The following GPC6 variants were observed in gnomAD, a reference collection of about 807,000 sequenced individuals.
GPC6 encodes glypican 6, also known as glypican-6.
Under a neutral mutation model 55.2 loss-of-function variants are expected in GPC6, and 14 were observed. The observed-to-expected ratio is 0.25, with a 90% CI of 0.17 to 0.40. GPC6 has a LOEUF of 0.40. GPC6 is among the 10% of genes least tolerant of loss of function. The probability of loss-of-function intolerance (pLI) is 1.00; values close to 1 mark genes in which losing one functional copy is unlikely to be tolerated. For synonymous variants in GPC6, 278 were observed against 259.6 expected (o/e 1.07, Z -0.68); for missense variants, 641 against 708.5 (o/e 0.90, Z 1.08).
At chr13:93,694,132 C>G (rs1351742012) in intron 2 of GPC6, among the ~76,000 whole-genome samples, 1 of 152,142 alleles carries the variant, frequency 6.6e-6, no homozygotes, top group Non-Finnish European at 1.5e-5. Flanking sequence ...CTCTCTTGCT[C>G]TTTTATTAAT....
intron 6 of GPC6, among the ~76,000 whole-genome samples, chr13:94,368,451 C>T (rs955340785): frequency 2.6e-5 from 4 of 152,120 alleles, no homozygotes; most frequent in South Asian, 2.1e-4. Context: ...CCAAGCATTA[C>T]AAAACCTACC....
At chr13:93,746,877 T>C (rs2138856777) in intron 2 of GPC6, among the ~76,000 whole-genome samples, 1 of 152,330 alleles carries the variant, frequency 6.6e-6, no homozygotes, top group African/African-American at 2.4e-5. Flanking sequence ...TTTAACATTC[T>C]AAATCCTGTC....
intron 1 of GPC6, among the ~76,000 whole-genome samples, chr13:93,458,967 A>C (rs1878575750): frequency 6.6e-6 from 1 of 152,192 alleles, no homozygotes; most frequent in South Asian, 2.1e-4. Flanking sequence ...AAATTACCTT[A>C]AGTGGTTAAT....
At chr13:93,945,763 C>G (rs1878979428) in intron 3 of GPC6, among the ~76,000 whole-genome samples, 1 of 152,202 alleles carries the variant, frequency 6.6e-6, no homozygotes, top group Non-Finnish European at 1.5e-5. Flanking sequence ...CACACTTTCA[C>G]TGATTGTTGC....
chr13:94,288,815 A>T (rs1451574811), intron 5 of GPC6, among the ~76,000 whole-genome samples: 1 of 42,120 alleles, frequency 2.4e-5, no homozygotes, highest in African/African-American at 1.6e-4. Context: ...GTTATATATA[A>T]TAAATATATA....
intron 4 of GPC6, among the ~76,000 whole-genome samples, chr13:94,273,775 G>A (rs984896310): frequency 3.9e-5 from 6 of 152,146 alleles, no homozygotes; most frequent in African/African-American, 1.4e-4. Flanking sequence ...GGAGGCACTA[G>A]AAACATACAC....
At chr13:93,585,660 T>C (rs886230654) in intron 2 of GPC6, among the ~76,000 whole-genome samples, 1 of 152,226 alleles carries the variant, frequency 6.6e-6, no homozygotes, top group Non-Finnish European at 1.5e-5. Flanking sequence ...GAAACATATG[T>C]GCATCCATTA....
At chr13:94,123,919 T>C (rs1030827359) in intron 4 of GPC6, among the ~76,000 whole-genome samples, 1 of 152,106 alleles carries the variant, frequency 6.6e-6, no homozygotes, top group Non-Finnish European at 1.5e-5. Context: ...GTTCTTATTA[T>C]AGATAGAAGC....
At position 93,859,435 on chromosome 13, in the gene GPC6, T is replaced by C. The variant is rs576744957; in HGVS notation, c.711+28890T>C. 2.0e-5 allele frequency among the ~76,000 whole-genome samples: 3 copies of C among 151,778 alleles called. No homozygotes were observed. In the East Asian group the frequency reaches 5.9e-4, roughly 30 times the overall value. ...AAATGATTTTATAATCTGTAAATAT[T>C]CATTTGACAGGTTTTTACCTTCAAT... On this transcript the variant is annotated intron_variant, in intron 3 of 8. Transcript: ENST00000377047.
At chr13:93,846,581 G>A (rs1888188727) in intron 3 of GPC6, among the ~76,000 whole-genome samples, 1 of 152,164 alleles carries the variant, frequency 6.6e-6, no homozygotes, top group Admixed American at 6.5e-5. Context: ...GGGAGGCCGA[G>A]GCAGGTGGAT....
Position 93,631,738 on chromosome 13 carries a change from G to A in GPC6, c.319+86317G>A, listed in dbSNP as rs3848065. On this transcript the variant is annotated intron_variant, in intron 2 of 8. Transcript: ENST00000377047. ...CCTGTATCTGTAGTTATATACCACT[G>A]TATGTGTTCCCCATGGCATCTAGCA... Among the ~76,000 whole-genome samples, 68,801 of 152,004 alleles carry A rather than the reference G, an allele frequency of 0.45. 17,672 individuals carry two copies. The highest frequency in any genetic ancestry group is 0.61 in the Middle Eastern group (176 of 290).
At chr13:93,423,236 G>A (rs540843167) in intron 1 of GPC6, among the ~76,000 whole-genome samples, 1 of 152,246 alleles carries the variant, frequency 6.6e-6, no homozygotes, top group African/African-American at 2.4e-5. Context: ...CATCACACAG[G>A]ACTGAATGTC....
intron 4 of GPC6, among the ~76,000 whole-genome samples, chr13:94,144,274 G>T (rs1887482313): frequency 6.6e-6 from 1 of 151,990 alleles, no homozygotes; most frequent in South Asian, 2.1e-4. Context: ...AGAGTGAACA[G>T]TCATTATCTT....
chr13:93,858,322 C>T (rs954153232), intron 3 of GPC6, among the ~76,000 whole-genome samples: 1 of 151,364 alleles, frequency 6.6e-6, no homozygotes, highest in Non-Finnish European at 1.5e-5. Context: ...TAAATAATGG[C>T]CAATGGATTA....
chr13:93,364,058 G>A (rs1281358365), intron 1 of GPC6, among the ~76,000 whole-genome samples: 3 of 152,122 alleles, frequency 2.0e-5, no homozygotes, highest in Non-Finnish European at 4.4e-5. Flanking sequence ...TGAGTAGGTT[G>A]CGAAAATTTT....
chr13:93,871,903 TG>T (rs1889143905), intron 3 of GPC6, among the ~76,000 whole-genome samples: 1 of 151,974 alleles, frequency 6.6e-6, no homozygotes, highest in Non-Finnish European at 1.5e-5. Context: ...AGTGTATTAA[TG>T]AAGATTTTGC....
intron 2 of GPC6, among the ~76,000 whole-genome samples, chr13:93,640,717 TCCCCA>T (rs1879879407): frequency 1.5e-4 from 1 of 6,760 alleles, no homozygotes; most frequent in Non-Finnish European, 9.5e-4. Context: ...TCCTCCCTCC[TCCCCA>T]CTTTCCTTCC....
intron 2 of GPC6, among the ~76,000 whole-genome samples, chr13:93,827,800 A>G (rs1887318976): frequency 1.3e-5 from 2 of 152,170 alleles, no homozygotes; most frequent in Non-Finnish European, 2.9e-5. Context: ...AACAAACCAC[A>G]AGACATAGTG....
At chr13:93,659,703 C>T (rs540527596) in intron 2 of GPC6, among the ~76,000 whole-genome samples, 1 of 152,030 alleles carries the variant, frequency 6.6e-6, no homozygotes, top group East Asian at 1.9e-4. Flanking sequence ...CTCATGTTAT[C>T]AATAGTTAAT....
Sources: gnomAD v4.1 joint callset for allele counts (sites outside exome capture counted in the v4.1 genomes callset) on GRCh38, gnomAD v4.1.1 for gene constraint, MANE v1.5 for transcripts, NCBI Gene and HGNC (gene_info 2026-07-23, HGNC 2026-07-21) for gene names.